The following MAN2A1 variants were observed in gnomAD, a reference collection of about 807,000 sequenced individuals.
The protein encoded by MAN2A1 is mannosidase alpha class 2A member 1, also known as alpha-mannosidase 2.
MAN2A1 carries 76 observed loss-of-function variants against 142.6 expected under a neutral mutation model. The observed-to-expected ratio is 0.53, with a 90% CI of 0.44 to 0.65. The LOEUF (loss-of-function observed/expected upper bound fraction) is 0.65. Among genes scored for constraint, MAN2A1 ranks in the 30% least tolerant of loss-of-function variants. The pLI, the probability that MAN2A1 is intolerant of heterozygous loss-of-function variation, is 0.00. For synonymous variants in MAN2A1, 559 were observed against 473.2 expected (o/e 1.18, Z -2.35); for missense variants, 1,311 against 1,365.1 (o/e 0.96, Z 0.62).
chr5:109,857,523 C>T (rs981412223), intron 20 of MAN2A1, among the ~76,000 whole-genome samples: 1 of 152,160 alleles, frequency 6.6e-6, no homozygotes, highest in Non-Finnish European at 1.5e-5. Flanking sequence ...CCCTTAGCCT[C>T]ACTTCTAGGT....
At chr5:109,754,248 C>G (rs1752623065) in intron 4 of MAN2A1, among the ~76,000 whole-genome samples, 2 of 152,140 alleles carry the variant, frequency 1.3e-5, no homozygotes, top group Middle Eastern at 3.4e-3. Flanking sequence ...TCCTTGGGCA[C>G]TATTTCAAAT....
intron 4 of MAN2A1, among the ~76,000 whole-genome samples, chr5:109,744,734 A>G (rs757572418): frequency 9.9e-5 from 15 of 152,124 alleles, no homozygotes; most frequent in South Asian, 2.1e-4. Context: ...AATATATACC[A>G]TGTGATCTGG....
chr5:109,823,105 A>G (rs1306359258), intron 15 of MAN2A1, among the ~76,000 whole-genome samples: 1 of 152,268 alleles, frequency 6.6e-6, no homozygotes, highest in African/African-American at 2.4e-5. Context: ...TCCATGTCAC[A>G]TAAGTTATGT....
intron 8 of MAN2A1, among the ~76,000 whole-genome samples, chr5:109,776,234 G>A (rs1283683733): frequency 2.0e-5 from 3 of 152,012 alleles, no homozygotes; most frequent in Admixed American, 1.3e-4. Context: ...AAAGCTGATG[G>A]TGAACTATAG....
chr5:109,701,294 G>T (rs1339507550), intron 1 of MAN2A1, among the ~76,000 whole-genome samples: 1 of 152,188 alleles, frequency 6.6e-6, no homozygotes, highest in African/African-American at 2.4e-5. Context: ...TACTTTGAAG[G>T]GAGAAAGAAA....
rs1162154995 is a variant in MAN2A1, at chr5:109,759,952, TATATATATATATAGATAGATAG to T, written c.835+4500_835+4521del. The stretch of plus-strand genomic sequence containing the variant: ...TCTTTTTATTTGAATTGTTGCTATA[TATATATATATATAGATAGATAG>T]ATAGATAGATAGATAGATAGATAGA... On this transcript the variant is annotated intron_variant, in intron 5 of 21. Coordinates refer to ENST00000261483, the MANE Select transcript of MAN2A1 (RefSeq NM_002372.4). Among the ~76,000 whole-genome samples the T allele has an allele frequency of 2.1e-3, 85 of 40,268 alleles. 1 individual carries two copies. The highest frequency in any genetic ancestry group is 0.017 in the East Asian group (14 of 804). 26.4% of individuals were successfully genotyped at this position (40,268 alleles called of 152,430 possible).
intron 12 of MAN2A1, among the ~76,000 whole-genome samples, chr5:109,798,620 T>C (rs778240373): frequency 6.6e-6 from 1 of 152,240 alleles, no homozygotes; most frequent in Non-Finnish European, 1.5e-5. Flanking sequence ...TTTTTTACTT[T>C]CAACTCGTAT....
Position 109,867,096 on chromosome 5 carries a change from G to C in MAN2A1, c.*98G>C, listed in dbSNP as rs1463461097. On this transcript the variant is annotated 3_prime_UTR_variant, in exon 22 of 22. Transcript: ENST00000261483. ...CACATTATTTTAGCTTCTGGCTACT[G>C]TGAGAACATGAATTCTGTGATTCTG... 2.5e-6 allele frequency: 2 copies of C among 794,526 alleles called. No individual in the cohort carries two copies. Among genetic ancestry groups the C allele is most frequent in the East Asian group, 7.2e-5 (2 of 27,742 alleles). The allele number at this position is 794,526 out of a possible 1,614,324, so 49.2% of individuals were successfully genotyped here.
intron 12 of MAN2A1, among the ~76,000 whole-genome samples, chr5:109,795,828 T>C (rs1753842767): frequency 6.6e-6 from 1 of 152,164 alleles, no homozygotes; most frequent in Non-Finnish European, 1.5e-5. Context: ...TTTCTCTTCT[T>C]CCTCCCTGCC....
Position 109,742,952 on chromosome 5 carries a change from C to T in MAN2A1, c.708-12377C>T, listed in dbSNP as rs546130174. On this transcript the variant is annotated intron_variant, in intron 4 of 21. Coordinates refer to ENST00000261483, the MANE Select transcript of MAN2A1 (RefSeq NM_002372.4). ...TTCCACCTCTCATTCCCTTCAACCA[C>T]TGGCATCTATTTATGTCATGGAGAC... Among the ~76,000 whole-genome samples the T allele has an allele frequency of 3.9e-5, 6 of 152,338 alleles. No homozygotes were observed. In the South Asian group the frequency reaches 1.2e-3, roughly 32 times the overall value.
At chr5:109,776,607 T>C (rs753724189) in intron 8 of MAN2A1, among the ~76,000 whole-genome samples, 1 of 152,254 alleles carries the variant, frequency 6.6e-6, no homozygotes, top group Non-Finnish European at 1.5e-5. Context: ...TTAAAAGTCA[T>C]TTAAAAAATT....
At chr5:109,765,263 T>C (rs1366534979) in intron 5 of MAN2A1, among the ~76,000 whole-genome samples, 1 of 152,158 alleles carries the variant, frequency 6.6e-6, no homozygotes, top group Non-Finnish European at 1.5e-5. Flanking sequence ...CTTAGTCTTT[T>C]TTTGGGGATT....
chr5:109,714,510 T>C (rs1300176440), intron 2 of MAN2A1, among the ~76,000 whole-genome samples: 2 of 152,198 alleles, frequency 1.3e-5, no homozygotes, highest in Non-Finnish European at 2.9e-5. Context: ...ACAGCGCTAT[T>C]ATAGAGGGCA....
Position 109,820,275 on chromosome 5 carries a change from G to C in MAN2A1, c.2384G>C (p.Trp795Ser), listed in dbSNP as rs1205855498. ...CATGAAGTAAATGTGCAATTTTCAT[G>C]GTATGGAACCACAATTAAAAGAGAC... Reference protein sequence around the residue: ...KHHEVNVQFSWYGTTIKRDKS... With the variant: ...KHHEVNVQFSSYGTTIKRDKS... Residue 795 changes from tryptophan (W) to serine (S), a missense_variant, in exon 15 of 22, where the codon TGG becomes TCG. Physicochemically the swap from Trp to Ser is radical, Grantham distance 177. Transcript: ENST00000261483. The C allele has an allele frequency of 6.2e-7, 1 of 1,611,284 alleles. No individual in the cohort carries two copies. The highest frequency in any genetic ancestry group is 2.2e-5 in the East Asian group (1 of 44,832).
intron 15 of MAN2A1, among the ~76,000 whole-genome samples, chr5:109,823,149 A>G (rs565968171): frequency 1.3e-5 from 2 of 152,222 alleles, no homozygotes; most frequent in Non-Finnish European, 2.9e-5. Context: ...TTAAATAAAA[A>G]CTAAACTAGT....
At chr5:109,758,732 A>G (rs1752759034) in intron 5 of MAN2A1, among the ~76,000 whole-genome samples, 1 of 149,268 alleles carries the variant, frequency 6.7e-6, no homozygotes, top group Non-Finnish European at 1.5e-5. Flanking sequence ...TATAATTGTT[A>G]TATTAACTAA....
In MAN2A1 at chr5:109,817,394, G is replaced by A. The variant is rs2112721477; in HGVS notation, c.2065G>A (p.Ala689Thr). ...SGKPVEVQVS[A>T]VWDTANTISE... Reference sequence around the variant, plus strand: ...AAAACCTGTGGAAGTTCAAGTCAGCGCAGTTTGGGATACAGCAAATACTAT... The same window carrying A: ...AAAACCTGTGGAAGTTCAAGTCAGCACAGTTTGGGATACAGCAAATACTAT... Residue 689 changes from alanine (A) to threonine (T), a missense_variant, in exon 13 of 22, where the codon GCA becomes ACA. Around this residue, in one of 3 missense-constraint regions of MAN2A1, gnomAD observed 890 missense variants for 920.5 expected, o/e 0.97. Coordinates refer to ENST00000261483, the MANE Select transcript of MAN2A1 (RefSeq NM_002372.4). 2.5e-6 allele frequency: 4 copies of A among 1,614,034 alleles called. No individual in the cohort carries two copies. The highest frequency in any genetic ancestry group is 3.4e-6 in the Non-Finnish European group (4 of 1,179,970).
intron 1 of MAN2A1, among the ~76,000 whole-genome samples, 193 bp downstream of exon 1, chr5:109,690,745 A>C (rs560253423): frequency 6.2e-4 from 94 of 152,044 alleles, no homozygotes; most frequent in Non-Finnish European, 1.2e-3. Context: ...CAAGTTAACA[A>C]AGTGCTGGGC....
At chr5:109,793,924 CT>C (rs1475740864) in intron 12 of MAN2A1, among the ~76,000 whole-genome samples, 1 of 152,128 alleles carries the variant, frequency 6.6e-6, no homozygotes, top group Non-Finnish European at 1.5e-5. Context: ...AACAATTCTT[CT>C]GGCACTAATT....
Sources: allele counts gnomAD v4.1 joint callset (sites outside exome capture counted in the v4.1 genomes callset), GRCh38; gene constraint gnomAD v4.1.1; regional missense constraint gnomAD v4.1.1; transcripts MANE v1.5; gene names NCBI Gene and HGNC (gene_info 2026-07-23, HGNC 2026-07-21).